MAP4K4: variants seen among roughly 807,000 people sequenced by gnomAD.
The protein encoded by MAP4K4 is HPK/GCK-like kinase HGK.
MAP4K4 carries 38 observed loss-of-function variants against 189.6 expected under a neutral mutation model. The observed-to-expected ratio is 0.20, with a 90% CI of 0.15 to 0.26. MAP4K4 has a LOEUF of 0.26. Ranked by LOEUF, MAP4K4 falls within the 10% of genes least tolerant of loss-of-function variation. MAP4K4 has a pLI of 1.00. For missense variants in MAP4K4, 1,054 were observed against 1,726.9 expected (o/e 0.61, Z 6.91); for synonymous variants, 610 against 624.3 (o/e 0.98, Z 0.34).
intron 27 of MAP4K4, 70 bp downstream of exon 27, chr2:101,877,216 C>A: frequency 6.8e-7 from 1 of 1,474,736 alleles, no homozygotes; most frequent in Admixed American, 1.8e-5. Flanking sequence ...ACACACTAAA[C>A]TTCAGTTAGC....
At chr2:101,803,759 A>T (rs2094618208) in intron 3 of MAP4K4, among the ~76,000 whole-genome samples, 1 of 152,228 alleles carries the variant, frequency 6.6e-6, no homozygotes, top group Non-Finnish European at 1.5e-5. Flanking sequence ...CATTTTTAGA[A>T]TAAAAGCTCT....
intron 10 of MAP4K4, 92 bp downstream of exon 10, chr2:101,840,086 G>A: frequency 8.0e-7 from 1 of 1,257,206 alleles, no homozygotes; most frequent in Non-Finnish European, 1.1e-6. Flanking sequence ...AGCTGTGAGA[G>A]TGCTCACTTG....
At chr2:101,858,628 A>C (rs185590329) in intron 13 of MAP4K4, among the ~76,000 whole-genome samples, 123 of 152,346 alleles carry the variant, frequency 8.1e-4, no homozygotes, top group African/African-American at 2.8e-3. Flanking sequence ...ATGTTTACTA[A>C]TCAGAACCCT....
chr2:101,728,122 A>G (rs1008359766), intron 2 of MAP4K4, among the ~76,000 whole-genome samples: 1 of 152,170 alleles, frequency 6.6e-6, no homozygotes, highest in African/African-American at 2.4e-5. Context: ...TAAGTAAGTA[A>G]TCTCCCTATT....
Position 101,776,194 on chromosome 2 carries a change from G to A in MAP4K4, c.124-14526G>A, listed in dbSNP as rs557438077. Among the ~76,000 whole-genome samples the A allele has an allele frequency of 6.9e-4, 105 of 152,254 alleles. No individual in the cohort carries two copies. In the Middle Eastern group the frequency reaches 0.017, roughly 25 times the overall value. On this transcript the variant is annotated intron_variant, in intron 2 of 32. Coordinates refer to ENST00000324219, the Ensembl canonical transcript of MAP4K4. ...AGGGATTTTGATCCAGTAGATCTGG[G>A]TGAGGCCCAGGCATATTTAATTAAA...
intron 18 of MAP4K4, 54 bp from the exon 19 acceptor site, chr2:101,866,374 G>T: frequency 6.4e-7 from 1 of 1,550,432 alleles, no homozygotes; most frequent in East Asian, 2.3e-5. Flanking sequence ...TGGTAATTTG[G>T]TGCTGCATCT....
intron 13 of MAP4K4, among the ~76,000 whole-genome samples, chr2:101,858,567 G>A (rs954073412): frequency 1.3e-5 from 2 of 152,038 alleles, no homozygotes; most frequent in African/African-American, 2.4e-5. Flanking sequence ...TTGGTTTTAG[G>A]TTTCAAAAAT....
At chr2:101,860,338 C>T (rs1374968648) in intron 15 of MAP4K4, 7 of 203,622 alleles carry the variant, frequency 3.4e-5, no homozygotes, top group Non-Finnish European at 7.2e-5. Context: ...GCAAGATGGG[C>T]GACAGGTGTG....
intron 10 of MAP4K4, among the ~76,000 whole-genome samples, chr2:101,841,548 A>G (rs936336324): frequency 6.6e-6 from 1 of 151,484 alleles, no homozygotes; most frequent in Non-Finnish European, 1.5e-5. Flanking sequence ...GGCTCACTGC[A>G]GCCTCCGCCT....
chr2:101,868,107 C>T (rs1013130758), intron 21 of MAP4K4, 70 bp downstream of exon 21: 5 of 1,540,258 alleles, frequency 3.2e-6, no homozygotes, highest in African/African-American at 1.4e-5. Context: ...AGCTTGTATT[C>T]GAGCTGCGGT....
chr2:101,805,920 C>G (rs1274974805), intron 3 of MAP4K4, among the ~76,000 whole-genome samples: 1 of 152,166 alleles, frequency 6.6e-6, no homozygotes, highest in Admixed American at 6.5e-5. Flanking sequence ...GTCTACTTTC[C>G]TACCGACTTT....
intron 3 of MAP4K4, among the ~76,000 whole-genome samples, chr2:101,793,802 A>C (rs2093326425): frequency 6.6e-6 from 1 of 152,164 alleles, no homozygotes; most frequent in Non-Finnish European, 1.5e-5. Context: ...GGCAGGCTGA[A>C]TGAATCTAGC....
At chr2:101,712,040 G>GGTT (rs1244654035) in intron 2 of MAP4K4, among the ~76,000 whole-genome samples, 1 of 144,404 alleles carries the variant, frequency 6.9e-6, no homozygotes, top group East Asian at 2.0e-4. Flanking sequence ...CTTCTACTTA[G>GGTT]GTTGTTTTAT....
At chr2:101,725,299 G>C (rs2054595178) in intron 2 of MAP4K4, among the ~76,000 whole-genome samples, 1 of 150,752 alleles carries the variant, frequency 6.6e-6, no homozygotes, top group Non-Finnish European at 1.5e-5. Flanking sequence ...TTCATAATTA[G>C]TCAAGCTATA....
At chr2:101,791,634 C>T (rs940618094) in intron 3 of MAP4K4, among the ~76,000 whole-genome samples, 1 of 152,164 alleles carries the variant, frequency 6.6e-6, no homozygotes, top group Non-Finnish European at 1.5e-5. Flanking sequence ...CATAACTTCC[C>T]CAAGTCTGGG....
Position 101,829,391 on chromosome 2 carries a change from T to C in MAP4K4, c.418-113T>C, listed in dbSNP as rs6742383. The C allele has an allele frequency of 3.5e-3, 2,303 of 659,170 alleles. 48 individuals are homozygous for C. The African/African-American group carries it at 0.037, about 11-fold the overall frequency. The allele number at this position is 659,170 out of a possible 1,614,324, so 40.8% of individuals were successfully genotyped here. On this transcript the variant is annotated intron_variant, in intron 5 of 32. Transcript: ENST00000324219. ...TGCACTAAGACGAAGTTAATGTTCA[T>C]GAGCTCACAAACACCTTTGGTCCAC...
intron 2 of MAP4K4, among the ~76,000 whole-genome samples, chr2:101,713,378 T>C (rs1016847605): frequency 6.6e-6 from 1 of 151,860 alleles, no homozygotes; most frequent in African/African-American, 2.4e-5. Flanking sequence ...GCGGATCTTT[T>C]GAGGTCAGGA....
chr2:101,716,912 C>T (rs956982051), intron 2 of MAP4K4, among the ~76,000 whole-genome samples: 1 of 151,916 alleles, frequency 6.6e-6, no homozygotes, highest in African/African-American at 2.4e-5. Context: ...TAAAAAGTTT[C>T]GAGTATTATA....
At chr2:101,789,032 T>C (rs999908902) in intron 2 of MAP4K4, among the ~76,000 whole-genome samples, 3 of 152,166 alleles carry the variant, frequency 2.0e-5, no homozygotes, top group African/African-American at 7.2e-5. Context: ...CAATGCAGCA[T>C]ACTAAATTAC....
Sources: gnomAD v4.1 joint callset for allele counts (sites outside exome capture counted in the v4.1 genomes callset) on GRCh38, gnomAD v4.1.1 for gene constraint, MANE v1.5 for transcripts, NCBI Gene and HGNC (gene_info 2026-07-23, HGNC 2026-07-21) for gene names.